Variants in EPB41L1 observed in about 807,000 individuals in gnomAD.
EPB41L1 encodes erythrocyte membrane protein band 4.1 like 1, also known as band 4.1-like protein 1.
In EPB41L1, 29 loss-of-function variants were observed where a neutral mutation model predicts 97.8. That is an observed-to-expected ratio of 0.30 (90% CI 0.22 to 0.40). EPB41L1 has a LOEUF of 0.40. Among genes scored for constraint, EPB41L1 ranks in the 10% least tolerant of loss-of-function variants. The pLI, the probability that EPB41L1 is intolerant of heterozygous loss-of-function variation, is 1.00. For synonymous variants in EPB41L1, 383 were observed against 459.2 expected, an observed-to-expected ratio of 0.83 and a Z score of 2.12; for missense variants, 812 against 1,162.3, an observed-to-expected ratio of 0.70 and a Z score of 4.38.
chr20:36,156,401 A>G (rs868405252), intron 1 of EPB41L1, among the ~76,000 whole-genome samples: 12 of 152,340 alleles, frequency 7.9e-5, no homozygotes, highest in Middle Eastern at 3.4e-3. Context: ...AGAATCCTGC[A>G]TGAAAACAAT....
At chr20:36,170,039 G>A (rs774258910) in intron 1 of EPB41L1, among the ~76,000 whole-genome samples, 6 of 152,206 alleles carry the variant, frequency 3.9e-5, no homozygotes, top group Non-Finnish European at 5.9e-5. Context: ...CCCACGTGAC[G>A]GGCTATGTCA....
intron 7 of EPB41L1, among the ~76,000 whole-genome samples, chr20:36,186,190 A>G (rs1423510200): frequency 6.6e-6 from 1 of 152,208 alleles, no homozygotes; most frequent in Non-Finnish European, 1.5e-5. Flanking sequence ...GCTTCTGTAC[A>G]GGTTCCCCTG....
chr20:36,101,634 C>G (rs2058020243), intron 1 of EPB41L1, among the ~76,000 whole-genome samples: 1 of 152,064 alleles, frequency 6.6e-6, no homozygotes, highest in African/African-American at 2.4e-5. Context: ...CCCCTCCCTC[C>G]TAGGGTTCCC....
At chr20:36,210,843 T>C (rs1334184792) in intron 15 of EPB41L1, among the ~76,000 whole-genome samples, 1 of 152,204 alleles carries the variant, frequency 6.6e-6, no homozygotes, top group East Asian at 1.9e-4. Context: ...GCCTGGCATA[T>C]ACTAGGCACT....
At position 36,229,690 on chromosome 20, in the gene EPB41L1, CT is replaced by C. The variant is rs1044110849; in HGVS notation, c.*353del. On this transcript the variant is annotated 3_prime_UTR_variant, in exon 22 of 22. Transcript: ENST00000338074. ...AATAACTATAATCCCTTGCTCACCC[CT>C]TTCCCCCGCCAAATAAGAAACGCAA... is the stretch of plus-strand genomic sequence containing the variant. 4.4e-5 allele frequency: 8 copies of C among 182,242 alleles called. No homozygotes were observed. The highest frequency in any genetic ancestry group is 6.9e-5 in the Non-Finnish European group (6 of 87,372). The allele number at this position is 182,242 out of a possible 1,614,324, so 11.3% of individuals were successfully genotyped here.
At chr20:36,107,446 C>G (rs1452861881) in intron 1 of EPB41L1, among the ~76,000 whole-genome samples, 1 of 151,260 alleles carries the variant, frequency 6.6e-6, no homozygotes, top group African/African-American at 2.4e-5. Flanking sequence ...GTCTTGAACT[C>G]CTGACCTCAT....
Position 36,195,375 on chromosome 20 carries a change from G to A in EPB41L1, c.1485+11G>A, listed in dbSNP as rs1157557878. On this transcript the variant is annotated intron_variant, in intron 13 of 21. Coordinates refer to ENST00000338074, the MANE Select transcript of EPB41L1 (RefSeq NM_012156.2). The surrounding 1 kb of genome is among the most constrained non-coding windows in gnomAD (Gnocchi z 4.6). ...AGACACAAGCAGGAGGTACTGCATG[G>A]GACCTGTCCCTCCCTACCCAGCCGT... 6.2e-7 allele frequency: 1 copy of A among 1,613,636 alleles called. No individual in the cohort carries two copies. The highest frequency in any genetic ancestry group is 1.7e-5 in the Admixed American group (1 of 59,978).
chr20:36,214,498 C>A, intron 17 of EPB41L1, 58 bp downstream of exon 17: 1 of 1,422,396 alleles, frequency 7.0e-7, no homozygotes, highest in Non-Finnish European at 9.8e-7. Context: ...ACCAAACAGC[C>A]AGAGAACAAG....
intron 3 of EPB41L1, 21 bp from the exon 4 acceptor site, chr20:36,177,931 C>A: frequency 6.2e-7 from 1 of 1,603,284 alleles, no homozygotes; most frequent in Non-Finnish European, 8.5e-7. Context: ...AGCCTCATAG[C>A]TGCTCTGCTT....
chr20:36,139,859 G>A (rs767630491), intron 2 of EPB41L1, among the ~76,000 whole-genome samples: 1 of 152,046 alleles, frequency 6.6e-6, no homozygotes, highest in Non-Finnish European at 1.5e-5. Flanking sequence ...AACCTCCTGA[G>A]TAGCTGAGAT....
At position 36,145,225 on chromosome 20, in the gene EPB41L1, C is replaced by G. The variant is rs1026482253; in HGVS notation, c.-9-30326C>G. Among the ~76,000 whole-genome samples, 91 of 151,852 alleles carry G rather than the reference C, an allele frequency of 6.0e-4. 1 individual carries two copies. The highest frequency in any genetic ancestry group is 2.5e-4 in the Non-Finnish European group (17 of 67,970). On this transcript the variant is annotated intron_variant, in intron 2 of 19. Coordinates refer to the EPB41L1 transcript ENST00000202028. ...CAAGATGATGAAACCCCCGTCTCTA[C>G]TAAAAATACAAAAAAATTAGCCGGT... is the stretch of plus-strand genomic sequence containing the variant.
chr20:36,097,811 G>A (rs2057881363), intron 1 of EPB41L1, among the ~76,000 whole-genome samples: 1 of 152,264 alleles, frequency 6.6e-6, no homozygotes, highest in Admixed American at 6.5e-5. Context: ...GTGAGTGGCA[G>A]GGATGAGGGT....
At chr20:36,100,714 T>C (rs1450610748) in intron 1 of EPB41L1, among the ~76,000 whole-genome samples, 2 of 152,208 alleles carry the variant, frequency 1.3e-5, no homozygotes, top group Non-Finnish European at 2.9e-5. Context: ...GTCTTTCCTA[T>C]ATGGCCTGTG....
intron 2 of EPB41L1, chr20:36,125,320 A>ATCTT (rs542809597): frequency 1.5e-6 from 1 of 657,494 alleles, no homozygotes; most frequent in Non-Finnish European, 2.8e-6. Flanking sequence ...GTGACCTAAG[A>ATCTT]GTCAGATGCT....
chr20:36,154,228 AG>A (rs1377796107), upstream of EPB41L1, among the ~76,000 whole-genome samples: 1 of 151,988 alleles, frequency 6.6e-6, no homozygotes. The surrounding 1 kb of genome is among the most constrained non-coding windows in gnomAD (Gnocchi z 5.5). Context: ...AGGGGTGGTG[AG>A]GGGATCCGGC....
chr20:36,205,879 G>A, intron 14 of EPB41L1: 1 of 1,289,732 alleles, frequency 7.8e-7, no homozygotes, highest in Non-Finnish European at 1.0e-6. Flanking sequence ...TATAGAAAGA[G>A]AGTACACTAG....
At chr20:36,122,893 A>G (rs2058802373) in intron 2 of EPB41L1, 1 of 152,150 alleles carries the variant, frequency 6.6e-6, no homozygotes, top group Admixed American at 6.6e-5. Flanking sequence ...TCCCTGAACA[A>G]ACGATAGAGC....
At chr20:36,096,255 C>T (rs1282366164) in intron 1 of EPB41L1, among the ~76,000 whole-genome samples, 1 of 152,144 alleles carries the variant, frequency 6.6e-6, no homozygotes, top group Non-Finnish European at 1.5e-5. Flanking sequence ...AGCACTCAGG[C>T]CCCACCTGGT....
At chr20:36,153,043 T>A (rs1215964240), upstream of EPB41L1, 2 of 456,680 alleles carry the variant, frequency 4.4e-6, no homozygotes, top group Non-Finnish European at 8.8e-6. Context: ...CTGAACCTGG[T>A]GAGCAGGGGG....
Sources: gnomAD v4.1 joint callset for allele counts (sites outside exome capture counted in the v4.1 genomes callset) on GRCh38, gnomAD v4.1.1 for gene constraint, Gnocchi (gnomAD v3.1) non-coding constraint, MANE v1.5 for transcripts, NCBI Gene and HGNC (gene_info 2026-07-23, HGNC 2026-07-21) for gene names.